The following ZDHHC15 variants were observed in gnomAD, a reference collection of about 807,000 sequenced individuals.
ZDHHC15 encodes zDHHC palmitoyltransferase 15.
A neutral mutation model predicts 31.7 loss-of-function variants in ZDHHC15; 19 were observed. The ratio of observed to expected loss-of-function variants is 0.60; its 90% CI spans 0.42 to 0.88. The LOEUF is 0.88. Ranked by LOEUF, ZDHHC15 falls within the 40% of genes least tolerant of loss-of-function variation. The pLI, the probability that ZDHHC15 is intolerant of heterozygous loss-of-function variation, is 0.00. For missense variants in ZDHHC15, 209 were observed against 251.2 expected (o/e 0.83, Z 1.14); for synonymous variants, 103 against 90.0 (o/e 1.14, Z -0.82).
At chrX:75,431,357 C>T in intron 5 of ZDHHC15, 94 bp downstream of exon 5, 2 of 820,721 alleles carry the variant, frequency 2.4e-6, no homozygotes, top group South Asian at 5.8e-5. Context: ...ATGCTCTTAT[C>T]TAGGTATGAT....
chrX:75,475,131 T>A (rs1357311914), intron 3 of ZDHHC15, among the ~76,000 whole-genome samples: 2 of 112,581 alleles, frequency 1.8e-5, no homozygotes, highest in African/African-American at 6.4e-5. Flanking sequence ...AAATATTCTG[T>A]ATAATAACTG....
At chrX:75,406,875 G>C (rs1171119406) in intron 10 of ZDHHC15, among the ~76,000 whole-genome samples, 3 of 112,059 alleles carry the variant, frequency 2.7e-5, no homozygotes, top group Non-Finnish European at 5.6e-5. Context: ...CAAGGACACA[G>C]TGAAAAAAGA....
At chrX:75,429,416 C>A (rs2083751584) in intron 6 of ZDHHC15, among the ~76,000 whole-genome samples, 1 of 111,424 alleles carries the variant, frequency 9.0e-6, no homozygotes, top group South Asian at 3.8e-4. Context: ...ACAGAAACAC[C>A]TGGCCTGCCT....
At chrX:75,465,319 T>C (rs2084384749) in intron 3 of ZDHHC15, among the ~76,000 whole-genome samples, 1 of 111,786 alleles carries the variant, frequency 8.9e-6, no homozygotes, top group African/African-American at 3.3e-5. Flanking sequence ...CACAAACAAA[T>C]GTAAAAACAT....
intron 3 of ZDHHC15, among the ~76,000 whole-genome samples, chrX:75,468,448 C>T (rs1188019797): frequency 8.9e-6 from 1 of 111,914 alleles, no homozygotes; most frequent in Non-Finnish European, 1.9e-5. Context: ...CATACAACAC[C>T]TTCATTATCC....
intron 3 of ZDHHC15, among the ~76,000 whole-genome samples, chrX:75,458,991 C>CAAAAAAAAA (rs775652299): frequency 6.4e-5 from 1 of 15,690 alleles, no homozygotes; most frequent in Non-Finnish European, 1.8e-4. Flanking sequence ...GGCACAGAGA[C>CAAAAAAAAA]AAAAAAAAAA....
At chrX:75,421,399 T>TA (rs1491424739) in intron 9 of ZDHHC15, among the ~76,000 whole-genome samples, 1 of 12,733 alleles carries the variant, frequency 7.9e-5, no homozygotes, top group African/African-American at 1.7e-4. Context: ...TATATATATA[T>TA]TATATATATA....
At chrX:75,488,818 C>G (rs1048514099) in intron 2 of ZDHHC15, among the ~76,000 whole-genome samples, 1 of 112,236 alleles carries the variant, frequency 8.9e-6, no homozygotes, top group East Asian at 2.8e-4. Context: ...CTAGGAAGCA[C>G]AAGGGGTCAG....
chrX:75,395,797 G>T (rs2083293492), intron 10 of ZDHHC15, among the ~76,000 whole-genome samples: 1 of 111,502 alleles, frequency 9.0e-6, no homozygotes, highest in Non-Finnish European at 1.9e-5. Context: ...AAGCAGAATG[G>T]AACTAGCATA....
intron 2 of ZDHHC15, among the ~76,000 whole-genome samples, chrX:75,485,813 A>T (rs1275852643): frequency 8.9e-6 from 1 of 112,663 alleles, no homozygotes; most frequent in Non-Finnish European, 1.9e-5. Flanking sequence ...ACTTACGCTA[A>T]GTTATCCATT....
chrX:75,522,787 C>A, intron 1 of ZDHHC15, 102 bp downstream of exon 1: 2 of 1,075,832 alleles, frequency 1.9e-6, no homozygotes, highest in Non-Finnish European at 2.5e-6. Context: ...AGGAAAACCG[C>A]AGAGAGAAGG....
intron 1 of ZDHHC15, among the ~76,000 whole-genome samples, chrX:75,509,235 C>A (rs1307625009): frequency 9.0e-6 from 1 of 111,627 alleles, no homozygotes; most frequent in Non-Finnish European, 1.9e-5. Context: ...GAACAGGCAA[C>A]CTACAGAATG....
chrX:75,404,688 C>T (rs2083392323), intron 10 of ZDHHC15, among the ~76,000 whole-genome samples: 1 of 111,967 alleles, frequency 8.9e-6, no homozygotes, highest in South Asian at 3.8e-4. Context: ...TACCATCTTA[C>T]AGCAGTCAGA....
intron 2 of ZDHHC15, among the ~76,000 whole-genome samples, chrX:75,492,485 T>A (rs1399644295): frequency 9.0e-6 from 1 of 111,615 alleles, no homozygotes; most frequent in Non-Finnish European, 1.9e-5. Flanking sequence ...TACGTTCTTC[T>A]CAGCACCACA....
intron 10 of ZDHHC15, chrX:75,384,807 T>G (rs2083162400): frequency 1.2e-6 from 1 of 830,714 alleles, no homozygotes; most frequent in African/African-American, 2.0e-5. Flanking sequence ...TGGAACCTAT[T>G]CTCTATGAAT....
rs2082983580 is a variant in ZDHHC15 at position 75,369,168 on chromosome X, C to A, written c.*3810G>T. 8.9e-6 allele frequency: 1 copy of A among 112,195 alleles called. No individual in the cohort carries two copies. Among genetic ancestry groups the A allele is most frequent in the Admixed American group, 9.5e-5 (1 of 10,579 alleles). 9.2% of individuals were successfully genotyped at this position (112,195 alleles called of 1,213,427 possible). A position where few individuals can be genotyped will look rare whatever the true frequency, so the allele number is the denominator to read the frequency against. On this transcript the variant is annotated 3_prime_UTR_variant, in exon 12 of 12. Coordinates refer to ENST00000373367, the MANE Select transcript of ZDHHC15 (RefSeq NM_144969.3). The stretch of plus-strand genomic sequence containing the variant: ...CCGAATCTCTTAGCTACTCTGAGAG[C>A]AGAGATTCTGGAATGTATAAATCTA...
chrX:75,458,067 A>C (rs1347495306), intron 3 of ZDHHC15, among the ~76,000 whole-genome samples: 1 of 111,926 alleles, frequency 8.9e-6, no homozygotes, highest in Non-Finnish European at 1.9e-5. Context: ...CACACAAAAC[A>C]ATGGAAACAA....
At chrX:75,450,369 CT>C (rs1285118749) in intron 4 of ZDHHC15, among the ~76,000 whole-genome samples, 1 of 111,504 alleles carries the variant, frequency 9.0e-6, no homozygotes, top group Admixed American at 9.6e-5. Flanking sequence ...GATGTGTACA[CT>C]TTTCAAAATA....
chrX:75,492,733 T>G (rs1051053737), intron 2 of ZDHHC15, among the ~76,000 whole-genome samples: 1 of 111,400 alleles, frequency 9.0e-6, no homozygotes, highest in Non-Finnish European at 1.9e-5. Context: ...TTGAAACCAA[T>G]GAGAACAAAG....
Sources: allele counts gnomAD v4.1 joint callset (sites outside exome capture counted in the v4.1 genomes callset), GRCh38; gene constraint gnomAD v4.1.1; transcripts MANE v1.5; gene names NCBI Gene and HGNC (gene_info 2026-07-23, HGNC 2026-07-21).